The following CFAP20DC variants were observed in gnomAD, a reference collection of about 807,000 sequenced individuals.
The protein encoded by CFAP20DC is CFAP20 domain containing, also known as protein CFAP20DC.
In CFAP20DC, 84 loss-of-function variants were observed where a neutral mutation model predicts 101.7. The observed-to-expected ratio is 0.83, with a 90% CI of 0.69 to 0.99. CFAP20DC has a LOEUF of 0.99. Among genes scored for constraint, CFAP20DC ranks in the 50% least tolerant of loss-of-function variants. The pLI is 0.00. For synonymous variants in CFAP20DC, 359 were observed against 351.2 expected (o/e 1.02, Z -0.25); for missense variants, 1,007 against 970.3 (o/e 1.04, Z -0.50).
intron 1 of CFAP20DC, 101 bp from the exon 2 acceptor site, chr3:59,047,355 G>C: frequency 1.4e-6 from 1 of 725,556 alleles, no homozygotes; most frequent in Non-Finnish European, 2.2e-6. Flanking sequence ...CAGTTAAGCT[G>C]ATCTGGGATG....
Position 58,717,709 on chromosome 3 carries a change from T to C in CFAP20DC, c.198-81A>G, listed in dbSNP as rs2067416647. 5.1e-6 allele frequency: 2 copies of C among 389,522 alleles called. No individual in the cohort carries two copies. The highest frequency in any genetic ancestry group is 1.0e-5 in the Non-Finnish European group (2 of 197,388). 24.1% of individuals were successfully genotyped at this position (389,522 alleles called of 1,614,324 possible). ...CCTTTTATTCTGGGTCTGTCCATTG[T>C]TATCAGGAAAACAATGCTTTTTCTG... is the stretch of plus-strand genomic sequence containing the variant. On this transcript the variant is annotated intron_variant, in intron 3 of 3. Coordinates refer to the CFAP20DC transcript ENST00000486145. The surrounding 1 kb of genome is among the most constrained non-coding windows in gnomAD (Gnocchi z 4.1).
At chr3:58,801,417 T>A (rs75381712) in intron 15 of CFAP20DC, among the ~76,000 whole-genome samples, 1 of 152,216 alleles carries the variant, frequency 6.6e-6, no homozygotes, top group Admixed American at 6.5e-5. Flanking sequence ...AAATCCTCTG[T>A]CATGTCTTGG....
At chr3:58,848,428 C>G (rs2077919334) in intron 13 of CFAP20DC, among the ~76,000 whole-genome samples, 1 of 152,024 alleles carries the variant, frequency 6.6e-6, no homozygotes, top group Non-Finnish European at 1.5e-5. Context: ...TTATGCATAG[C>G]CTCATTTGTT....
rs112294200 is a variant in CFAP20DC, at chr3:58,721,776, T to C, written c.198-4148A>G. ...GAGATTTCTGCCCTGGGATCTCTAT[T>C]CTTTTCTCAACACATTCCTTTCAGA... is the stretch of plus-strand genomic sequence containing the variant. On this transcript the variant is annotated intron_variant, in intron 3 of 3. Coordinates refer to the CFAP20DC transcript ENST00000486145. This position sits in a 1 kb window ranked among gnomAD's most constrained non-coding sequence, Gnocchi z 5.2. 6.6e-6 allele frequency among the ~76,000 whole-genome samples: 1 copy of C among 152,196 alleles called. No homozygotes were observed. Among genetic ancestry groups the C allele is most frequent in the Non-Finnish European group, 1.5e-5 (1 of 68,044 alleles).
At position 58,913,916 on chromosome 3, in the gene CFAP20DC, T is replaced by C. The variant is rs777028166; in HGVS notation, c.394-52A>G. 3.2e-6 allele frequency: 5 copies of C among 1,578,404 alleles called. No individual in the cohort carries two copies. The South Asian group carries it at 5.6e-5, about 18-fold the overall frequency. ...TAAGGACCTTTCATCAACACATAAATGAACAAACCATCTATATGTAGACAT... is the reference window on the plus strand; with the variant it reads ...TAAGGACCTTTCATCAACACATAAACGAACAAACCATCTATATGTAGACAT... On this transcript the variant is annotated intron_variant, in intron 5 of 16. Coordinates refer to ENST00000482387, the MANE Select transcript of CFAP20DC (RefSeq NM_001394063.1). This position sits in a 1 kb window ranked among gnomAD's most constrained non-coding sequence, Gnocchi z 4.4.
chr3:58,770,943 C>T (rs2070782754), intron 15 of CFAP20DC, among the ~76,000 whole-genome samples: 1 of 152,170 alleles, frequency 6.6e-6, no homozygotes, highest in African/African-American at 2.4e-5. Flanking sequence ...AATAAAGACA[C>T]ATGCCCACGT....
chr3:59,039,711 C>T, intron 3 of CFAP20DC, 82 bp from the exon 4 acceptor site: 1 of 797,232 alleles, frequency 1.3e-6, no homozygotes, highest in Non-Finnish European at 2.0e-6. Flanking sequence ...AAACCACGAA[C>T]AAGCTGAAGA....
rs1033774494 is a variant in CFAP20DC at position 58,861,649 on chromosome 3, G to A, written c.1593+1909C>T. On this transcript the variant is annotated intron_variant, in intron 12 of 16. Coordinates refer to ENST00000482387, the MANE Select transcript of CFAP20DC (RefSeq NM_001394063.1). This position sits in a 1 kb window ranked among gnomAD's most constrained non-coding sequence, Gnocchi z 4.0. Reference sequence around the variant, plus strand: ...ATTTTTGTATCTTAGCTTGTATCTCGTTAGTCTCTGTACCAGCAAACCCCA... The same window carrying A: ...ATTTTTGTATCTTAGCTTGTATCTCATTAGTCTCTGTACCAGCAAACCCCA... 32 of 985,248 alleles carry A rather than the reference G, an allele frequency of 3.2e-5. No individual in the cohort carries two copies. Among genetic ancestry groups the A allele is most frequent in the Non-Finnish European group, 3.7e-5 (31 of 829,928 alleles). The allele number at this position is 985,248 out of a possible 1,614,324, so 61.0% of individuals were successfully genotyped here. A position where few individuals can be genotyped will look rare whatever the true frequency, so the allele number is the denominator to read the frequency against.
At chr3:58,954,337 A>T (rs2090433452) in intron 4 of CFAP20DC, among the ~76,000 whole-genome samples, 2 of 152,204 alleles carry the variant, frequency 1.3e-5, no homozygotes, top group Non-Finnish European at 2.9e-5. Flanking sequence ...ACTTCAGGTT[A>T]GAGTGAACTT....
At chr3:58,879,974 TA>T (rs2081102397) in intron 7 of CFAP20DC, among the ~76,000 whole-genome samples, 1 of 151,846 alleles carries the variant, frequency 6.6e-6, no homozygotes, top group Non-Finnish European at 1.5e-5. Flanking sequence ...ATATTTTAAT[TA>T]AAAATATTGA....
rs1386233275 is a variant in CFAP20DC at position 58,867,829 on chromosome 3, C to T, written c.1123G>A (p.Glu375Lys). 6.8e-6 allele frequency: 11 copies of T among 1,613,504 alleles called. No homozygotes were observed. Among genetic ancestry groups the T allele is most frequent in the South Asian group, 1.1e-5 (1 of 91,054 alleles). The part of the protein sequence containing the change: ...RLKSTSRERT[E>K]TPSGSSSGNN... The stretch of plus-strand genomic sequence containing the variant: ...AATAGTGCCATACCGCTGGGTGTCT[C>T]TGTCCTTTCTCTGCTGGTACTTTTT... The change falls in exon 10 of 17, where the codon GAG (glutamate) becomes AAG (lysine). Residue 375 changes from glutamate (E) to lysine (K), a missense_variant. Coordinates refer to ENST00000482387, the MANE Select transcript of CFAP20DC (RefSeq NM_001394063.1).
chr3:58,784,814 T>G (rs558670197), intron 15 of CFAP20DC, among the ~76,000 whole-genome samples: 1 of 152,204 alleles, frequency 6.6e-6, no homozygotes, highest in East Asian at 1.9e-4. Context: ...AAGGGAAGTC[T>G]TATAAACTGT....
chr3:58,829,231 T>C (rs553388012), intron 14 of CFAP20DC, among the ~76,000 whole-genome samples: 1 of 147,822 alleles, frequency 6.8e-6, no homozygotes, highest in East Asian at 2.0e-4. Flanking sequence ...TGGGTGCCTG[T>C]AATCCCAGCT....
chr3:59,042,388 C>T (rs957972018), intron 3 of CFAP20DC, among the ~76,000 whole-genome samples: 2 of 151,390 alleles, frequency 1.3e-5, no homozygotes, highest in South Asian at 4.2e-4. Context: ...GTAAACCCCT[C>T]GTACATTAAT....
chr3:59,033,895 T>C (rs1400839801), intron 4 of CFAP20DC, among the ~76,000 whole-genome samples: 2 of 152,082 alleles, frequency 1.3e-5, no homozygotes, highest in Non-Finnish European at 2.9e-5. Context: ...AGACACATAA[T>C]TATCAGATTC....
At position 59,001,566 on chromosome 3, in the gene CFAP20DC, C is replaced by T. The variant is rs2093312883; in HGVS notation, c.278+37991G>A. On this transcript the variant is annotated intron_variant, in intron 4 of 16. Transcript: ENST00000482387. The surrounding 1 kb of genome is among the most constrained non-coding windows in gnomAD (Gnocchi z 4.5). ...AGCTGGGATTATAGGCATGCGCCAC[C>T]ACGCCCAGCTAATTTTGTATTTTTA... Among the ~76,000 whole-genome samples the T allele has an allele frequency of 6.6e-6, 1 of 152,206 alleles. No individual in the cohort carries two copies. The highest frequency in any genetic ancestry group is 1.5e-5 in the Non-Finnish European group (1 of 68,042).
chr3:58,815,746 A>T (rs555913285), intron 14 of CFAP20DC, among the ~76,000 whole-genome samples: 1 of 150,398 alleles, frequency 6.6e-6, no homozygotes, highest in South Asian at 2.1e-4. Context: ...GCAGCCAAAA[A>T]ACACATGAAA....
At chr3:58,981,653 T>G (rs1353875355) in intron 4 of CFAP20DC, among the ~76,000 whole-genome samples, 1 of 152,208 alleles carries the variant, frequency 6.6e-6, no homozygotes, top group Non-Finnish European at 1.5e-5. Flanking sequence ...TGGCTAGCCA[T>G]ATGTAGAAAG....
Position 58,843,421 on chromosome 3 carries a change from AG to A in CFAP20DC, c.1971+5610del, listed in dbSNP as rs1311085519. Among the ~76,000 whole-genome samples the A allele has an allele frequency of 2.6e-5, 4 of 152,086 alleles. No homozygotes were observed. In the East Asian group the frequency reaches 7.7e-4, roughly 29 times the overall value. Reference sequence around the variant, plus strand: ...TGGAAGAAAGGGTATCAGCAATGGAAGATGAAATGAATGAAATGAAGCGAGA... The same window carrying A: ...TGGAAGAAAGGGTATCAGCAATGGAAATGAAATGAATGAAATGAAGCGAGA... On this transcript the variant is annotated intron_variant, in intron 13 of 16. Coordinates refer to ENST00000482387, the MANE Select transcript of CFAP20DC (RefSeq NM_001394063.1).
Sources: allele counts gnomAD v4.1 joint callset (sites outside exome capture counted in the v4.1 genomes callset), GRCh38; gene constraint gnomAD v4.1.1; non-coding constraint Gnocchi (gnomAD v3.1); transcripts MANE v1.5; gene names NCBI Gene and HGNC (gene_info 2026-07-23, HGNC 2026-07-21).